ALG1: variants seen among roughly 807,000 people sequenced by gnomAD.
ALG1 encodes chitobiosyldiphosphodolichol beta-mannosyltransferase.
A neutral mutation model predicts 55.1 loss-of-function variants in ALG1; 58 were observed. That is an observed-to-expected ratio of 1.05 (90% CI 0.85 to 1.31). The LOEUF (loss-of-function observed/expected upper bound fraction) is 1.31. Among genes scored for constraint, ALG1 ranks in the 50% most tolerant of loss-of-function variants. The probability of loss-of-function intolerance (pLI) is 0.00; values close to 1 mark genes in which losing one functional copy is unlikely to be tolerated. For synonymous variants in ALG1, 309 were observed against 247.0 expected, an observed-to-expected ratio of 1.25 and a Z score of -2.35; for missense variants, 761 against 598.6, an observed-to-expected ratio of 1.27 and a Z score of -2.83.
Position 5,084,964 on chromosome 16 carries a change from G to A in ALG1, c.*83G>A, listed in dbSNP as rs1336721795. 1.0e-5 allele frequency: 16 copies of A among 1,592,632 alleles called. No individual in the cohort carries two copies. The highest frequency in any genetic ancestry group is 1.4e-5 in the Non-Finnish European group (16 of 1,176,398). ...TTGGAGTCTCAGGGCAAACCCTTTC[G>A]AGCAGCACCTCCCAGTGGCCAGAAG... is the stretch of plus-strand genomic sequence containing the variant. On this transcript the variant is annotated 3_prime_UTR_variant, in exon 13 of 13. Coordinates refer to ENST00000262374, the MANE Select transcript of ALG1 (RefSeq NM_019109.5).
chr16:5,073,119 C>A (rs2142701730), intron 2 of ALG1, 34 bp from the exon 3 acceptor site: 1 of 1,612,952 alleles, frequency 6.2e-7, no homozygotes, highest in Admixed American at 1.7e-5. Context: ...GCCAGACGCT[C>A]CTTTGGTAGT....
At position 5,085,550 on chromosome 16, in the gene ALG1, G is replaced by A. The variant is rs1164478272; in HGVS notation, c.*669G>A. ...CTCCAAACATTCCAGTCCAATGAAA[G>A]TTTTATCCGCTTTCCCATATAAAAA... On this transcript the variant is annotated 3_prime_UTR_variant, in exon 13 of 13. Transcript: ENST00000262374. 9 of 1,068,146 alleles carry A rather than the reference G, an allele frequency of 8.4e-6. No individual in the cohort carries two copies. Among genetic ancestry groups the A allele is most frequent in the Non-Finnish European group, 1.3e-5 (9 of 684,766 alleles). The allele number at this position is 1,068,146 out of a possible 1,614,324, so 66.2% of individuals were successfully genotyped here. A position where few individuals can be genotyped will look rare whatever the true frequency, so the allele number is the denominator to read the frequency against.
Position 5,086,956 on chromosome 16 carries a change from C to T in ALG1, c.*2075C>T, listed in dbSNP as rs2142745546. ...TCAGCCTCTTACAGTGTTGGGATTA[C>T]AGGCGTGAGACACTGTGACCCGGGA... On this transcript the variant is annotated 3_prime_UTR_variant, in exon 13 of 13. Transcript: ENST00000262374. 6.6e-6 allele frequency: 1 copy of T among 152,332 alleles called. No individual in the cohort carries two copies. 9.4% of individuals were successfully genotyped at this position (152,332 alleles called of 1,614,324 possible). A position where few individuals can be genotyped will look rare whatever the true frequency, so the allele number is the denominator to read the frequency against.
intron 1 of ALG1, among the ~76,000 whole-genome samples, chr16:5,072,664 A>G (rs1956838004): frequency 6.6e-6 from 1 of 152,078 alleles, no homozygotes. Flanking sequence ...GTGGTGGGAA[A>G]ATTCCACTAT....
In ALG1 at chr16:5,084,618, G is replaced by A. The variant is rs936253699; in HGVS notation, c.1264-132G>A. On this transcript the variant is annotated intron_variant, in intron 12 of 12. Coordinates refer to ENST00000262374, the MANE Select transcript of ALG1 (RefSeq NM_019109.5). ...GTGCTGCTGGGGTGTGAAGGGTCTC[G>A]AGTCCAAGTGAGGGAGTTAGGGACT... is the stretch of plus-strand genomic sequence containing the variant. 3.5e-6 allele frequency: 5 copies of A among 1,412,904 alleles called. No individual in the cohort carries two copies. In the East Asian group the frequency reaches 9.5e-5, roughly 27 times the overall value. The allele number at this position is 1,412,904 out of a possible 1,614,324, so 87.5% of individuals were successfully genotyped here. A position where few individuals can be genotyped will look rare whatever the true frequency, so the allele number is the denominator to read the frequency against.
chr16:5,081,435 C>T (rs753497702), intron 10 of ALG1, among the ~76,000 whole-genome samples: 3 of 152,224 alleles, frequency 2.0e-5, no homozygotes, highest in Non-Finnish European at 4.4e-5. Flanking sequence ...TCTCCTTTGC[C>T]TCCGTCTCTT....
intron 9 of ALG1, among the ~76,000 whole-genome samples, chr16:5,080,102 C>G (rs951215349): frequency 7.7e-5 from 11 of 142,412 alleles, no homozygotes; most frequent in Non-Finnish European, 1.5e-4. Context: ...GACAGAGTCT[C>G]TGTCGCCCAG....
Position 5,073,484 on chromosome 16 carries a change from T to C in ALG1, c.390+228T>C, listed in dbSNP as rs547955369. On this transcript the variant is annotated intron_variant, in intron 3 of 12. Transcript: ENST00000262374. ...CTGACTGTGTATCAAGTGTTTTCCA[T>C]GTATTAACTCATTTAGTCCTCACAG... is the stretch of plus-strand genomic sequence containing the variant. The C allele has an allele frequency of 5.3e-5, 31 of 586,990 alleles. No homozygotes were observed. The East Asian group carries it at 7.0e-4, about 13-fold the overall frequency. 36.4% of individuals were successfully genotyped at this position (586,990 alleles called of 1,614,324 possible). A position where few individuals can be genotyped will look rare whatever the true frequency, so the allele number is the denominator to read the frequency against.
In ALG1 at chr16:5,083,720, T is replaced by A. The variant is rs778650901; in HGVS notation, c.1226T>A (p.Val409Asp). Reference sequence around the variant, plus strand: ...GTGAAACATGAAGAAAATGGCCTGGTCTTTGAGGACTCAGAGGAACTGGCA... The same window carrying A: ...GTGAAACATGAAGAAAATGGCCTGGACTTTGAGGACTCAGAGGAACTGGCA... ...ELVKHEENGL[V>D]FEDSEELAAQ... The change falls in exon 12 of 13, where the codon GTC becomes GAC. Residue 409 changes from valine to aspartate, a missense_variant. Physicochemically the swap from Val to Asp is radical, Grantham distance 152. Transcript: ENST00000262374. The A allele has an allele frequency of 1.9e-6, 3 of 1,598,620 alleles. No individual in the cohort carries two copies. Among genetic ancestry groups the A allele is most frequent in the Non-Finnish European group, 2.5e-6 (3 of 1,179,776 alleles).
rs767861344 is a variant in ALG1, at chr16:5,075,377, A to G, written c.391-11A>G. ...TGGGTTTCCTCCCCTTCAAGTCTCT[A>G]TCTTTCCTAGAACCCCCCAGGTCTG... On this transcript the variant is annotated splice_polypyrimidine_tract_variant and intron_variant, in intron 3 of 12. Coordinates refer to ENST00000262374, the MANE Select transcript of ALG1 (RefSeq NM_019109.5). The G allele has an allele frequency of 6.1e-5, 99 of 1,613,900 alleles. No individual in the cohort carries two copies. The highest frequency in any genetic ancestry group is 3.3e-4 in the Middle Eastern group (2 of 6,084).
Position 5,071,889 on chromosome 16 carries a change from C to T in ALG1, c.40C>T (p.Leu14=), listed in dbSNP as rs754947444. ...SCLVLLALCL[L]LPLLLLGGWK... ...CTTGGTCCTGCTGGCGCTGTGTCTG[C>T]TGCTGCCGCTGCTGCTGCTGGGAGG... Residue 14 remains leucine, a synonymous_variant, in exon 1 of 13, where the codon CTG becomes TTG. Coordinates refer to ENST00000262374, the MANE Select transcript of ALG1 (RefSeq NM_019109.5). The T allele has an allele frequency of 3.1e-6, 5 of 1,599,680 alleles. No homozygotes were observed. Among genetic ancestry groups the T allele is most frequent in the Middle Eastern group, 1.7e-4 (1 of 5,878 alleles).
At chr16:5,076,619 C>T (rs1956919422) in intron 4 of ALG1, among the ~76,000 whole-genome samples, 1 of 152,126 alleles carries the variant, frequency 6.6e-6, no homozygotes, top group Non-Finnish European at 1.5e-5. Context: ...ATCGCGCATG[C>T]CGTGTTCCGG....
In ALG1 at chr16:5,081,449, C is replaced by T. The variant is rs552057752; in HGVS notation, c.1072+393C>T. Among the ~76,000 whole-genome samples, 4 of 152,336 alleles carry T rather than the reference C, an allele frequency of 2.6e-5. No individual in the cohort carries two copies. In the East Asian group the frequency reaches 7.7e-4, roughly 29 times the overall value. ...TTCTCCTTTGCCTCCGTCTCTTTCC[C>T]CGTTGATTTCTCCAAGTGGGGAGTC... On this transcript the variant is annotated intron_variant, in intron 10 of 12. Transcript: ENST00000262374.
intron 6 of ALG1, 36 bp downstream of exon 6, chr16:5,078,053 T>C (rs769061340): frequency 4.4e-6 from 7 of 1,593,192 alleles, no homozygotes; most frequent in Non-Finnish European, 6.0e-6. Context: ...TCTCTCCTGC[T>C]CGCCACTGCC....
chr16:5,079,620 C>A (rs1345649839), intron 8 of ALG1, 128 bp from the exon 9 acceptor site: 2 of 1,081,240 alleles, frequency 1.8e-6, no homozygotes, highest in East Asian at 2.5e-5. Flanking sequence ...ACCCAGGAGG[C>A]AGAGGTTGCA....
At chr16:5,077,623 G>A (rs1039261751) in intron 5 of ALG1, 89 bp downstream of exon 5, 31 of 1,355,686 alleles carry the variant, frequency 2.3e-5, no homozygotes, top group Non-Finnish European at 3.3e-5. Context: ...CTGCCGTCCT[G>A]CTGAGGGGCA....
intron 9 of ALG1, among the ~76,000 whole-genome samples, chr16:5,080,165 T>G (rs549628171): frequency 6.6e-6 from 1 of 151,382 alleles, no homozygotes; most frequent in East Asian, 2.0e-4. Flanking sequence ...CCTCCCACAT[T>G]CAAGCAATTC....
At chr16:5,082,047 ATTC>A (rs1263613419) in intron 10 of ALG1, among the ~76,000 whole-genome samples, 1 of 152,010 alleles carries the variant, frequency 6.6e-6, no homozygotes, top group Admixed American at 6.6e-5. Context: ...GGTTCAAGCG[ATTC>A]TCCTGCCTCA....
intron 8 of ALG1, among the ~76,000 whole-genome samples, chr16:5,079,305 A>G (rs1194493681): frequency 6.6e-6 from 1 of 152,210 alleles, no homozygotes; most frequent in Non-Finnish European, 1.5e-5. Context: ...TGCCCCCTCC[A>G]GGAGAGTATC....
Sources: allele counts gnomAD v4.1 joint callset (sites outside exome capture counted in the v4.1 genomes callset), GRCh38; gene constraint gnomAD v4.1.1; transcripts MANE v1.5; gene names NCBI Gene and HGNC (gene_info 2026-07-23, HGNC 2026-07-21).